GPR158: variants seen among roughly 807,000 people sequenced by gnomAD.
GPR158 encodes metabotropic glycine receptor.
In GPR158, 30 loss-of-function variants were observed where a neutral mutation model predicts 78.2. The ratio of observed to expected loss-of-function variants is 0.38; its 90% confidence interval spans 0.29 to 0.52. The LOEUF (loss-of-function observed/expected upper bound fraction) is 0.52, where lower values mean the gene tolerates loss of function less well. GPR158 is among the 20% of genes least tolerant of loss of function. GPR158 has a pLI of 0.83. For missense variants in GPR158, 1,463 were observed against 1,523.5 expected (o/e 0.96, Z 0.66); for synonymous variants, 581 against 591.1 (o/e 0.98, Z 0.25).
chr10:25,228,129 G>GC (rs1853399339), intron 2 of GPR158, among the ~76,000 whole-genome samples: 1 of 152,104 alleles, frequency 6.6e-6, no homozygotes, highest in African/African-American at 2.4e-5. Context: ...TAAAAAATTA[G>GC]CAAGGCTTAG....
intron 2 of GPR158, among the ~76,000 whole-genome samples, chr10:25,248,901 T>G (rs1588757007): frequency 6.6e-6 from 1 of 151,526 alleles, no homozygotes; most frequent in South Asian, 2.1e-4. Flanking sequence ...TAAATTACCT[T>G]GGGCAGTATG....
intron 2 of GPR158, among the ~76,000 whole-genome samples, chr10:25,336,939 C>T (rs967912045): frequency 6.6e-6 from 1 of 151,976 alleles, no homozygotes; most frequent in Non-Finnish European, 1.5e-5. Context: ...AAAATAGACA[C>T]CTTCAATTAT....
chr10:25,360,662 G>A (rs1427092557), intron 2 of GPR158, among the ~76,000 whole-genome samples: 3 of 152,086 alleles, frequency 2.0e-5, no homozygotes, highest in East Asian at 3.9e-4. Context: ...CATTATTGTA[G>A]CCTTGTAGTA....
At chr10:25,450,124 G>C (rs1179876224) in intron 4 of GPR158, among the ~76,000 whole-genome samples, 1 of 152,000 alleles carries the variant, frequency 6.6e-6, no homozygotes, top group Non-Finnish European at 1.5e-5. Flanking sequence ...ATGAAACTTA[G>C]ACCTGAGGAC....
At chr10:25,259,619 A>G (rs1853941934) in intron 2 of GPR158, among the ~76,000 whole-genome samples, 1 of 152,118 alleles carries the variant, frequency 6.6e-6, no homozygotes, top group Non-Finnish European at 1.5e-5. Context: ...TAAAAATCAT[A>G]TTGTCAAGTT....
intron 2 of GPR158, among the ~76,000 whole-genome samples, chr10:25,324,596 A>G (rs193244337): frequency 2.0e-5 from 3 of 152,322 alleles, no homozygotes; most frequent in African/African-American, 7.2e-5. Context: ...CCAAAATGTG[A>G]CACACAGACG....
chr10:25,271,894 C>T, intron 2 of GPR158, among the ~76,000 whole-genome samples: 1 of 152,140 alleles, frequency 6.6e-6, no homozygotes, highest in Non-Finnish European at 1.5e-5. Context: ...CCCACCTCGG[C>T]TTCCAAAAGT....
chr10:25,315,466 C>T (rs1220268069), intron 2 of GPR158, among the ~76,000 whole-genome samples: 1 of 152,034 alleles, frequency 6.6e-6, no homozygotes, highest in East Asian at 1.9e-4. Flanking sequence ...TTCAGCCTTT[C>T]TTAATCACTT....
At chr10:25,274,374 G>T (rs961052207) in intron 2 of GPR158, among the ~76,000 whole-genome samples, 8 of 152,108 alleles carry the variant, frequency 5.3e-5, no homozygotes, top group Non-Finnish European at 8.8e-5. Flanking sequence ...TCTTCAAATA[G>T]AAATAATATA....
At chr10:25,540,972 ATATAT>A (rs745318032) in intron 5 of GPR158, among the ~76,000 whole-genome samples, 30,345 of 121,430 alleles carry the variant, frequency 0.25, 3,657 homozygotes, top group Non-Finnish European at 0.29. Context: ...ATATATATAT[ATATAT>A]AAAGTTTATC....
chr10:25,356,851 A>G (rs147383717), intron 2 of GPR158, among the ~76,000 whole-genome samples: 99 of 152,204 alleles, frequency 6.5e-4, no homozygotes, highest in African/African-American at 2.2e-3. Context: ...AAATGTGGAA[A>G]TGACTTTGGA....
intron 1 of GPR158, among the ~76,000 whole-genome samples, chr10:25,195,153 T>TA (rs554820325): frequency 0.019 from 2,800 of 145,448 alleles, 75 homozygotes; most frequent in African/African-American, 0.062. Context: ...TTTATTATGT[T>TA]AAAAAAAAAA....
intron 2 of GPR158, among the ~76,000 whole-genome samples, chr10:25,287,477 G>C (rs893545895): frequency 6.6e-6 from 1 of 152,068 alleles, no homozygotes; most frequent in African/African-American, 2.4e-5. Flanking sequence ...CTGTTTGTTT[G>C]TATTGGTGAG....
At chr10:25,596,483 G>GTCTC (rs958354657) in intron 9 of GPR158, among the ~76,000 whole-genome samples, 160 bp from the exon 10 acceptor site, 3 of 151,524 alleles carry the variant, frequency 2.0e-5, no homozygotes, top group Non-Finnish European at 4.4e-5. Context: ...GTCTGTCTGT[G>GTCTC]TCTCTCTCTC....
intron 6 of GPR158, among the ~76,000 whole-genome samples, chr10:25,560,673 T>G (rs962943176): frequency 2.6e-5 from 4 of 152,262 alleles, no homozygotes; most frequent in Non-Finnish European, 5.9e-5. Flanking sequence ...TTTTTGTAAA[T>G]GATCACACCA....
At chr10:25,391,175 G>A (rs1179648570) in intron 2 of GPR158, among the ~76,000 whole-genome samples, 3 of 152,060 alleles carry the variant, frequency 2.0e-5, no homozygotes, top group Non-Finnish European at 4.4e-5. Context: ...GCAGGGGTGG[G>A]TCCCTCATGA....
chr10:25,316,297 A>G (rs1434956698), intron 2 of GPR158, among the ~76,000 whole-genome samples: 1 of 152,206 alleles, frequency 6.6e-6, no homozygotes, highest in African/African-American at 2.4e-5. Context: ...TTCTCAGTTC[A>G]TAGTGCCTAT....
chr10:25,514,056 A>C (rs34229386), intron 5 of GPR158, among the ~76,000 whole-genome samples: 16,024 of 152,094 alleles, frequency 0.11, 959 homozygotes, highest in Non-Finnish European at 0.13. Context: ...GGTACGTTTA[A>C]ATCCATTGTT....
At chr10:25,452,471 T>C (rs1166687601) in intron 4 of GPR158, among the ~76,000 whole-genome samples, 1 of 151,690 alleles carries the variant, frequency 6.6e-6, no homozygotes, top group East Asian at 1.9e-4. Context: ...TGGAAGAGAG[T>C]TGCTGTTCTG....
Sources: gnomAD v4.1 joint callset for allele counts (sites outside exome capture counted in the v4.1 genomes callset) on GRCh38, gnomAD v4.1.1 for gene constraint, MANE v1.5 for transcripts, NCBI Gene and HGNC (gene_info 2026-07-23, HGNC 2026-07-21) for gene names.